MBTPS1: variants seen among roughly 807,000 people sequenced by gnomAD.
MBTPS1 encodes the protein membrane bound transcription factor peptidase, site 1.
MBTPS1 carries 94 observed loss-of-function variants against 127.8 expected under a neutral mutation model. The observed-to-expected ratio is 0.74, with a 90% CI of 0.62 to 0.87. The LOEUF is 0.87. MBTPS1 is among the 40% of genes least tolerant of loss of function. MBTPS1 has a pLI of 0.00. For synonymous variants in MBTPS1, 632 were observed against 509.4 expected (o/e 1.24, Z -3.24); for missense variants, 1,636 against 1,353.2 (o/e 1.21, Z -3.28).
At chr16:84,058,569 T>A (rs903847446) in intron 21 of MBTPS1, among the ~76,000 whole-genome samples, 2 of 152,166 alleles carry the variant, frequency 1.3e-5, no homozygotes, top group Admixed American at 6.5e-5. Context: ...GCTCCCCCTT[T>A]CTTCTTATAT....
chr16:84,090,421 T>A (rs1266114056), intron 8 of MBTPS1, among the ~76,000 whole-genome samples: 1 of 152,156 alleles, frequency 6.6e-6, no homozygotes, highest in Non-Finnish European at 1.5e-5. Flanking sequence ...CCGCCAGCAC[T>A]TCCCCTGTGA....
At chr16:84,072,514 A>T (rs762820861) in intron 12 of MBTPS1, among the ~76,000 whole-genome samples, 8 of 152,236 alleles carry the variant, frequency 5.3e-5, no homozygotes, top group Non-Finnish European at 8.8e-5. Flanking sequence ...AAATCAGGTC[A>T]GGCGCGATGG....
intron 9 of MBTPS1, 132 bp from the exon 10 acceptor site, chr16:84,085,266 TTAG>T: frequency 1.1e-6 from 1 of 937,852 alleles, no homozygotes; most frequent in Non-Finnish European, 1.6e-6. Flanking sequence ...GGTACTGGTT[TTAG>T]TCTGAAATTC....
chr16:84,069,241 C>T (rs1323379802), intron 14 of MBTPS1, among the ~76,000 whole-genome samples: 4 of 152,190 alleles, frequency 2.6e-5, no homozygotes, highest in Non-Finnish European at 5.9e-5. Flanking sequence ...GGCTAATGCA[C>T]CAAGAGAAAG....
intron 8 of MBTPS1, among the ~76,000 whole-genome samples, chr16:84,088,938 G>A (rs1484245627): frequency 6.6e-6 from 1 of 152,306 alleles, no homozygotes; most frequent in Non-Finnish European, 1.5e-5. Flanking sequence ...GGTGGAGATG[G>A]GGCCTTCCTG....
intron 4 of MBTPS1, among the ~76,000 whole-genome samples, chr16:84,094,096 C>T (rs2086147593): frequency 6.6e-6 from 1 of 152,066 alleles, no homozygotes. Context: ...TCAATTGCCA[C>T]CAGCACTCAG....
chr16:84,076,366 C>A (rs1292127785), intron 11 of MBTPS1, among the ~76,000 whole-genome samples: 1 of 152,086 alleles, frequency 6.6e-6, no homozygotes, highest in East Asian at 1.9e-4. Context: ...AGAGGCATTT[C>A]CATTAAGATT....
rs940692177 is a variant in MBTPS1, at chr16:84,116,786, C to G, written c.-376G>C. On this transcript the variant is annotated 5_prime_UTR_variant, in exon 1 of 23. Coordinates refer to ENST00000343411, the MANE Select transcript of MBTPS1 (RefSeq NM_003791.4). ...CGGGCCCGGGATAACGGCGCCTCCG[C>G]GGCGAACACGCCTGGGCACTCCATT... is the stretch of plus-strand genomic sequence containing the variant. 4 of 152,194 alleles carry G rather than the reference C, an allele frequency of 2.6e-5. No individual in the cohort carries two copies. Among genetic ancestry groups the G allele is most frequent in the African/African-American group, 9.6e-5 (4 of 41,460 alleles). The allele number at this position is 152,194 out of a possible 1,614,324, so 9.4% of individuals were successfully genotyped here. A position where few individuals can be genotyped will look rare whatever the true frequency, so the allele number is the denominator to read the frequency against.
At chr16:84,107,350 A>G (rs1597354020) in intron 1 of MBTPS1, among the ~76,000 whole-genome samples, 1 of 152,132 alleles carries the variant, frequency 6.6e-6, no homozygotes, top group South Asian at 2.1e-4. Flanking sequence ...GGCTGGAAGG[A>G]AGGTGCCTTC....
At chr16:84,079,826 G>A (rs2151155139) in intron 11 of MBTPS1, among the ~76,000 whole-genome samples, 1 of 152,376 alleles carries the variant, frequency 6.6e-6, no homozygotes, top group Non-Finnish European at 1.5e-5. Context: ...TACACAGATA[G>A]GCAGATACAG....
intron 12 of MBTPS1, 63 bp downstream of exon 12, chr16:84,074,534 A>G: frequency 6.5e-7 from 1 of 1,536,338 alleles, no homozygotes; most frequent in Non-Finnish European, 8.9e-7. Flanking sequence ...ACTATGGCCT[A>G]AAGGTCTGGG....
At chr16:84,111,044 G>C (rs745983610) in intron 1 of MBTPS1, among the ~76,000 whole-genome samples, 1 of 152,212 alleles carries the variant, frequency 6.6e-6, no homozygotes, top group Non-Finnish European at 1.5e-5. Flanking sequence ...TCCCCACAAA[G>C]ATGCTCACAT....
chr16:84,087,473 C>CAAAAAAAAAAAAA lies in MBTPS1; in HGVS notation c.1032-26_1032-14dup. 6.8e-6 allele frequency: 7 copies of CAAAAAAAAAAAAA among 1,036,172 alleles called. No homozygotes were observed. Among genetic ancestry groups the CAAAAAAAAAAAAA allele is most frequent in the African/African-American group, 3.7e-5 (2 of 53,958 alleles). 64.2% of individuals were successfully genotyped at this position (1,036,172 alleles called of 1,614,324 possible). ...GTTATTCAGAGTGCTATATTGAGACCAAAAAAAAAAAAAAAGAAAAGAAAA... is the reference window on the plus strand; with the variant it reads ...GTTATTCAGAGTGCTATATTGAGACCAAAAAAAAAAAAAAAAAAAAAAAAAAAAGAAAAGAAAA... On this transcript the variant is annotated splice_polypyrimidine_tract_variant and intron_variant, in intron 8 of 22. Transcript: ENST00000343411.
chr16:84,109,958 C>T (rs1440051690), intron 1 of MBTPS1, among the ~76,000 whole-genome samples: 5 of 152,194 alleles, frequency 3.3e-5, no homozygotes, highest in Non-Finnish European at 7.3e-5. Flanking sequence ...AATTTACTCT[C>T]AAATGCTTTA....
In MBTPS1 at chr16:84,066,066, A is replaced by C. The variant is rs1469060272; in HGVS notation, c.2354-299T>G. ...ATAACTCAGAGCAGTGAAAGGCTCA[A>C]AACAAGCTGTCCAGACCTGCAGAAT... On this transcript the variant is annotated intron_variant, in intron 17 of 22. Transcript: ENST00000343411. Among the ~76,000 whole-genome samples the C allele has an allele frequency of 1.3e-5, 2 of 152,224 alleles. 1 individual carries two copies.
Position 84,070,624 on chromosome 16 carries a change from A to G in MBTPS1, c.1746T>C (p.His582=). The change falls in exon 13 of 23, where the codon CAT becomes CAC. Residue 582 remains histidine (H), a synonymous_variant. Transcript: ENST00000343411. ...AASWEGIAQG[H]VMITVASPAE... ...CTGGGGAAGCCACAGTGATCATGAC[A>G]TGGCCCTGAGCAATGCCTTCCCAGG... 6.2e-7 allele frequency: 1 copy of G among 1,613,234 alleles called. No individual in the cohort carries two copies. Among genetic ancestry groups the G allele is most frequent in the Non-Finnish European group, 8.5e-7 (1 of 1,179,878 alleles).
chr16:84,093,135 T>G, intron 6 of MBTPS1, 53 bp downstream of exon 6: 2 of 1,216,664 alleles, frequency 1.6e-6, no homozygotes, highest in Non-Finnish European at 2.4e-6. Flanking sequence ...TGATTCTGCT[T>G]TTTACATTTC....
chr16:84,073,195 A>C (rs769238791), intron 12 of MBTPS1, among the ~76,000 whole-genome samples: 20 of 152,168 alleles, frequency 1.3e-4, no homozygotes, highest in Non-Finnish European at 2.8e-4. Flanking sequence ...GTACAGTGGC[A>C]TGATCTCGGC....
intron 1 of MBTPS1, among the ~76,000 whole-genome samples, chr16:84,115,870 T>C (rs925251095): frequency 3.3e-5 from 5 of 152,158 alleles, no homozygotes; most frequent in Non-Finnish European, 5.9e-5. Flanking sequence ...GATTTTATGG[T>C]ATGTAAATTC....
Sources: gnomAD v4.1 joint callset for allele counts (sites outside exome capture counted in the v4.1 genomes callset) on GRCh38, gnomAD v4.1.1 for gene constraint, MANE v1.5 for transcripts, NCBI Gene and HGNC (gene_info 2026-07-23, HGNC 2026-07-21) for gene names.